TRAPPC9: variants seen among roughly 807,000 people sequenced by gnomAD.
The protein encoded by TRAPPC9 is trafficking protein particle complex subunit 9.
In TRAPPC9, 83 loss-of-function variants were observed where a neutral mutation model predicts 124.0. The observed-to-expected ratio is 0.67, with a 90% CI of 0.56 to 0.80. The LOEUF is 0.80. Ranked by LOEUF, TRAPPC9 falls within the 30% of genes least tolerant of loss-of-function variation. The probability of loss-of-function intolerance (pLI) is 0.00; values close to 1 mark genes in which losing one functional copy is unlikely to be tolerated. For synonymous variants in TRAPPC9, 638 were observed against 617.5 expected (o/e 1.03, Z -0.49); for missense variants, 1,302 against 1,508.3 (o/e 0.86, Z 2.27).
At chr8:140,048,504 G>A (rs1253125695) in intron 17 of TRAPPC9, among the ~76,000 whole-genome samples, 2 of 152,118 alleles carry the variant, frequency 1.3e-5, no homozygotes, top group African/African-American at 4.8e-5. Flanking sequence ...TTAGGCTCAT[G>A]TAATCCTTGC....
chr8:139,908,394 T>C (rs181691025), intron 20 of TRAPPC9, among the ~76,000 whole-genome samples: 28 of 152,134 alleles, frequency 1.8e-4, no homozygotes, highest in East Asian at 1.6e-3. Flanking sequence ...CTGCCTCACA[T>C]AGAGCCTCTC....
chr8:140,285,543 G>A (rs1252332071), intron 13 of TRAPPC9, among the ~76,000 whole-genome samples: 3 of 152,158 alleles, frequency 2.0e-5, no homozygotes, highest in African/African-American at 4.8e-5. Flanking sequence ...GGCACCGTGT[G>A]TAAGAACCCA....
At chr8:139,828,174 A>G (rs1026005328) in intron 21 of TRAPPC9, among the ~76,000 whole-genome samples, 47 of 151,858 alleles carry the variant, frequency 3.1e-4, no homozygotes, top group Non-Finnish European at 6.6e-4. Context: ...TGTTCCCCTC[A>G]CTCCACACCT....
intron 17 of TRAPPC9, among the ~76,000 whole-genome samples, chr8:140,086,924 T>TCC: frequency 1.3e-5 from 2 of 150,480 alleles, no homozygotes; most frequent in African/African-American, 5.0e-5. Flanking sequence ...AGAGTGAGAC[T>TCC]GTCTCAAAAA....
intron 17 of TRAPPC9, among the ~76,000 whole-genome samples, chr8:140,137,563 G>A (rs529684500): frequency 9.8e-5 from 15 of 152,312 alleles, no homozygotes; most frequent in South Asian, 4.1e-4. Context: ...TCACTGTGAC[G>A]GTCGGGGTCA....
intron 17 of TRAPPC9, among the ~76,000 whole-genome samples, chr8:140,027,642 A>G (rs1391052410): frequency 6.6e-6 from 1 of 152,196 alleles, no homozygotes; most frequent in Non-Finnish European, 1.5e-5. Flanking sequence ...TCAAGCACAG[A>G]AAAGTTGTAT....
Position 140,306,492 on chromosome 8 carries a change from CAAAAAAA to C in TRAPPC9, c.1622+4749_1622+4755del, listed in dbSNP as rs11447991. Among the ~76,000 whole-genome samples, 3 of 115,488 alleles carry C rather than the reference CAAAAAAA, an allele frequency of 2.6e-5. No individual in the cohort carries two copies. The Admixed American group carries it at 2.8e-4, about 11-fold the overall frequency. 75.8% of individuals were successfully genotyped at this position (115,488 alleles called of 152,430 possible). A position where few individuals can be genotyped will look rare whatever the true frequency, so the allele number is the denominator to read the frequency against. Reference sequence around the variant, plus strand: ...TCAGCATCAGAGCAAGACTCTGTCTCAAAAAAAAAAAAAAAAAAGAAGAAGAATTATA... The same window carrying C: ...TCAGCATCAGAGCAAGACTCTGTCTCAAAAAAAAAAAGAAGAAGAATTATA... On this transcript the variant is annotated intron_variant, in intron 10 of 22. Coordinates refer to ENST00000438773, the MANE Select transcript of TRAPPC9 (RefSeq NM_001160372.4).
At chr8:140,347,478 G>A (rs753720903) in intron 9 of TRAPPC9, among the ~76,000 whole-genome samples, 1 of 152,064 alleles carries the variant, frequency 6.6e-6, no homozygotes, top group Non-Finnish European at 1.5e-5. Context: ...TCTTTCCAAC[G>A]AGGCCTCATC....
At chr8:139,854,033 C>A (rs1827655773) in intron 21 of TRAPPC9, among the ~76,000 whole-genome samples, 1 of 152,132 alleles carries the variant, frequency 6.6e-6, no homozygotes, top group South Asian at 2.1e-4. Context: ...CAAATGGTCT[C>A]ACTGAAAGGG....
At chr8:139,927,895 T>C (rs1409113147) in intron 19 of TRAPPC9, among the ~76,000 whole-genome samples, 1 of 152,182 alleles carries the variant, frequency 6.6e-6, no homozygotes, top group African/African-American at 2.4e-5. Context: ...TATAAAATCC[T>C]GGAACACAAG....
intron 17 of TRAPPC9, among the ~76,000 whole-genome samples, chr8:140,106,638 G>A (rs1222658635): frequency 6.6e-6 from 1 of 152,198 alleles, no homozygotes; most frequent in Admixed American, 6.5e-5. Context: ...AAGCTTTGGA[G>A]CAAGAGAAAC....
chr8:140,448,465 T>C (rs2071345569), intron 2 of TRAPPC9, among the ~76,000 whole-genome samples: 1 of 152,220 alleles, frequency 6.6e-6, no homozygotes, highest in Non-Finnish European at 1.5e-5. Flanking sequence ...TGAGCTCAGA[T>C]TTCAAAAGGC....
chr8:140,088,613 C>G (rs368325398), intron 17 of TRAPPC9, among the ~76,000 whole-genome samples: 19 of 152,246 alleles, frequency 1.2e-4, no homozygotes, highest in African/African-American at 4.6e-4. Context: ...CTTATTTTTC[C>G]TAACAAGAAA....
chr8:140,176,485 G>C (rs572660253), intron 17 of TRAPPC9, among the ~76,000 whole-genome samples: 8 of 152,292 alleles, frequency 5.3e-5, no homozygotes, highest in East Asian at 1.9e-4. Flanking sequence ...TGTGTGTTGG[G>C]CATACCGGTA....
Position 140,183,962 on chromosome 8 carries a change from GGAGGAGGGA to G in TRAPPC9, c.2556+37488_2556+37496del, listed in dbSNP as rs1303304450. Among the ~76,000 whole-genome samples, 114 of 15,288 alleles carry G rather than the reference GGAGGAGGGA, an allele frequency of 7.5e-3. 1 individual carries two copies. Among genetic ancestry groups the G allele is most frequent in the African/African-American group, 0.011 (106 of 9,560 alleles). The allele number at this position is 15,288 out of a possible 152,430, so 10.0% of individuals were successfully genotyped here. A position where few individuals can be genotyped will look rare whatever the true frequency, so the allele number is the denominator to read the frequency against. ...GAGAGGAGAGGAGAGGGGAGGGGAGGGAGGAGGGAGGAGGGAGGAGGGAGGAGGGAGGAG... is the reference window on the plus strand; with the variant it reads ...GAGAGGAGAGGAGAGGGGAGGGGAGGGGAGGGAGGAGGGAGGAGGGAGGAG... On this transcript the variant is annotated intron_variant, in intron 17 of 22. Coordinates refer to ENST00000438773, the MANE Select transcript of TRAPPC9 (RefSeq NM_001160372.4).
At chr8:139,977,378 T>C (rs1312779785) in intron 19 of TRAPPC9, among the ~76,000 whole-genome samples, 1 of 151,874 alleles carries the variant, frequency 6.6e-6, no homozygotes, top group Admixed American at 6.6e-5. Flanking sequence ...TCCCAGCACT[T>C]TGGGAGGCCG....
intron 11 of TRAPPC9, chr8:140,291,395 C>T: frequency 2.3e-6 from 1 of 431,382 alleles, no homozygotes; most frequent in Non-Finnish European, 4.3e-6. Context: ...CTTCACGGGG[C>T]CCAGAAGCTG....
chr8:139,813,487 G>T (rs1193547311), intron 21 of TRAPPC9, among the ~76,000 whole-genome samples: 1 of 152,210 alleles, frequency 6.6e-6, no homozygotes, highest in Non-Finnish European at 1.5e-5. Context: ...ATGAGACTTG[G>T]TGCTGGTCTA....
intron 18 of TRAPPC9, among the ~76,000 whole-genome samples, chr8:140,004,744 A>T (rs1157356956): frequency 1.3e-5 from 2 of 152,128 alleles, no homozygotes; most frequent in Non-Finnish European, 2.9e-5. Context: ...ATGTCTAAAA[A>T]CCATGGTGCC....
Sources: allele counts gnomAD v4.1 joint callset (sites outside exome capture counted in the v4.1 genomes callset), GRCh38; gene constraint gnomAD v4.1.1; transcripts MANE v1.5; gene names NCBI Gene and HGNC (gene_info 2026-07-23, HGNC 2026-07-21).